Variants in SEPTIN9 observed in about 807,000 individuals in gnomAD.
SEPTIN9 encodes the protein septin 9, also known as septin-9.
In SEPTIN9, 13 loss-of-function variants were observed where a neutral mutation model predicts 56.6. The ratio of observed to expected loss-of-function variants is 0.23; its 90% CI spans 0.15 to 0.37. The LOEUF is 0.37. Among genes scored for constraint, SEPTIN9 ranks in the 10% least tolerant of loss-of-function variants. The pLI is 1.00. For synonymous variants in SEPTIN9, 332 were observed against 334.1 expected (o/e 0.99, Z 0.07); for missense variants, 650 against 823.1 (o/e 0.79, Z 2.57).
intron 3 of SEPTIN9, among the ~76,000 whole-genome samples, chr17:77,413,816 T>A (rs2036388314): frequency 6.6e-6 from 1 of 151,890 alleles, no homozygotes; most frequent in Non-Finnish European, 1.5e-5. Flanking sequence ...AGACATGCGA[T>A]TGACACCACG....
intron 7 of SEPTIN9, among the ~76,000 whole-genome samples, chr17:77,489,389 A>G (rs1357981930): frequency 1.3e-5 from 2 of 152,016 alleles, no homozygotes; most frequent in African/African-American, 2.4e-5. Flanking sequence ...CGTCGCCCCT[A>G]GAGATCAGCA....
intron 2 of SEPTIN9, among the ~76,000 whole-genome samples, chr17:77,356,155 C>T (rs1454994985): frequency 6.6e-6 from 1 of 152,048 alleles, no homozygotes; most frequent in Non-Finnish European, 1.5e-5. Flanking sequence ...GGGAAAGTCA[C>T]GTTTGGAAGA....
At chr17:77,439,270 G>A (rs550838556) in intron 3 of SEPTIN9, among the ~76,000 whole-genome samples, 1 of 152,294 alleles carries the variant, frequency 6.6e-6, no homozygotes, top group African/African-American at 2.4e-5. Flanking sequence ...GGTTGGAAGA[G>A]TAGCTACTGT....
At chr17:77,315,131 G>T (rs941527860) in intron 2 of SEPTIN9, among the ~76,000 whole-genome samples, 1 of 152,172 alleles carries the variant, frequency 6.6e-6, no homozygotes, top group Non-Finnish European at 1.5e-5. Flanking sequence ...AGGCTCTGAT[G>T]TCAGGATTGT....
At chr17:77,380,529 T>A (rs1446821617) in intron 2 of SEPTIN9, among the ~76,000 whole-genome samples, 1 of 152,070 alleles carries the variant, frequency 6.6e-6, no homozygotes, top group Non-Finnish European at 1.5e-5. Flanking sequence ...TGGCCTTAAA[T>A]ACATTGCAGT....
At chr17:77,478,035 C>T (rs182571426) in intron 3 of SEPTIN9, among the ~76,000 whole-genome samples, 10 of 151,994 alleles carry the variant, frequency 6.6e-5, no homozygotes, top group Admixed American at 2.0e-4. Context: ...AGGTGTTAAC[C>T]GCATATCATA....
At chr17:77,338,284 A>G (rs566218303) in intron 2 of SEPTIN9, among the ~76,000 whole-genome samples, 21 of 152,266 alleles carry the variant, frequency 1.4e-4, no homozygotes, top group African/African-American at 4.8e-4. Context: ...AAAAAATGCT[A>G]ATAATCATCT....
Position 77,405,034 on chromosome 17 carries a change from G to A in SEPTIN9, c.721+2331G>A. 1 of 1,521,682 alleles carries A rather than the reference G, an allele frequency of 6.6e-7. No individual in the cohort carries two copies. The highest frequency in any genetic ancestry group is 8.8e-7 in the Non-Finnish European group (1 of 1,136,232). The allele number at this position is 1,521,682 out of a possible 1,614,324, so 94.3% of individuals were successfully genotyped here. ...TGGGTTGATGTGTTCACACTCAGCT[G>A]AGTCAAACAGGATGTGGCTGGGGAG... On this transcript the variant is annotated intron_variant, in intron 3 of 11. Transcript: ENST00000427177. This position sits in a 1 kb window ranked among gnomAD's most constrained non-coding sequence, Gnocchi z 5.8.
At chr17:77,415,647 A>AG (rs1555662971) in intron 3 of SEPTIN9, among the ~76,000 whole-genome samples, 81 of 145,724 alleles carry the variant, frequency 5.6e-4, no homozygotes, top group Middle Eastern at 3.6e-3. Context: ...AAAAAAAAGA[A>AG]AAAAAAAGAA....
At chr17:77,493,286 C>G in intron 10 of SEPTIN9, 1 of 567,762 alleles carries the variant, frequency 1.8e-6, no homozygotes. Flanking sequence ...CCCCAGACCT[C>G]CCCCCGGGCA....
At chr17:77,287,770 A>G in intron 1 of SEPTIN9, 1 of 605,914 alleles carries the variant, frequency 1.7e-6, no homozygotes, top group Non-Finnish European at 2.1e-6. Flanking sequence ...GTGACAGCTG[A>G]GCTTTGTTCC....
At chr17:77,478,470 T>G (rs907203964) in intron 3 of SEPTIN9, among the ~76,000 whole-genome samples, 18 of 152,102 alleles carry the variant, frequency 1.2e-4, no homozygotes, top group African/African-American at 4.1e-4. Flanking sequence ...AGCCAGCGGG[T>G]AGAAACAACC....
rs1282206779 is a variant in SEPTIN9 at position 77,421,084 on chromosome 17, G to A, written c.721+18381G>A. Among the ~76,000 whole-genome samples the A allele has an allele frequency of 2.0e-5, 3 of 152,190 alleles. No individual in the cohort carries two copies. Among genetic ancestry groups the A allele is most frequent in the East Asian group, 1.9e-4 (1 of 5,192 alleles). Reference sequence around the variant, plus strand: ...GGGGTAGGGGTGGAGCTCTGCCGTCGCTGACTCCCGGGCTACCTGGAGTGA... The same window carrying A: ...GGGGTAGGGGTGGAGCTCTGCCGTCACTGACTCCCGGGCTACCTGGAGTGA... On this transcript the variant is annotated intron_variant, in intron 3 of 11. Transcript: ENST00000427177. The surrounding 1 kb of genome is among the most constrained non-coding windows in gnomAD (Gnocchi z 4.6).
intron 2 of SEPTIN9, among the ~76,000 whole-genome samples, chr17:77,372,607 C>A (rs997583013): frequency 2.6e-5 from 4 of 152,354 alleles, no homozygotes; most frequent in Non-Finnish European, 5.9e-5. Context: ...GGAAGGGAGG[C>A]GTCGCCCGTC....
chr17:77,442,506 TAAA>T (rs574360726), intron 3 of SEPTIN9, among the ~76,000 whole-genome samples: 24 of 91,334 alleles, frequency 2.6e-4, no homozygotes, highest in African/African-American at 7.5e-4. Flanking sequence ...CAACTAGTCT[TAAA>T]AAAAAAAAAA....
chr17:77,423,046 T>G (rs929757555), intron 3 of SEPTIN9, among the ~76,000 whole-genome samples: 41 of 152,106 alleles, frequency 2.7e-4, no homozygotes, highest in African/African-American at 8.5e-4. Flanking sequence ...CATCTTTTTT[T>G]TTCTTGAGGC....
chr17:77,331,580 C>A (rs1223862004), intron 2 of SEPTIN9, among the ~76,000 whole-genome samples: 2 of 152,186 alleles, frequency 1.3e-5, no homozygotes, highest in Admixed American at 6.6e-5. Context: ...AAAGCCTTTC[C>A]TCCAGCAGGT....
intron 3 of SEPTIN9, among the ~76,000 whole-genome samples, chr17:77,473,927 T>C (rs2039108887): frequency 6.6e-6 from 1 of 152,218 alleles, no homozygotes; most frequent in African/African-American, 2.4e-5. Flanking sequence ...TTCTTTACCA[T>C]CTTGTTCCAG....
At chr17:77,488,153 T>C in intron 5 of SEPTIN9, 87 bp from the exon 6 acceptor site, 1 of 1,236,044 alleles carries the variant, frequency 8.1e-7, no homozygotes, top group Non-Finnish European at 1.2e-6. Flanking sequence ...GCTGCCTACC[T>C]GGGGTTGCCC....
Sources: allele counts gnomAD v4.1 joint callset (sites outside exome capture counted in the v4.1 genomes callset), GRCh38; gene constraint gnomAD v4.1.1; non-coding constraint Gnocchi (gnomAD v3.1); transcripts MANE v1.5; gene names NCBI Gene and HGNC (gene_info 2026-07-23, HGNC 2026-07-21).